Variants in DLG4 observed in about 807,000 individuals in gnomAD.
DLG4 encodes discs large MAGUK scaffold protein 4.
A neutral mutation model predicts 93.8 loss-of-function variants in DLG4; 7 were observed. The ratio of observed to expected loss-of-function variants is 0.07; its 90% CI spans 0.04 to 0.14. The LOEUF is 0.14. Ranked by LOEUF, DLG4 falls within the 10% of genes least tolerant of loss-of-function variation. The pLI, the probability that DLG4 is intolerant of heterozygous loss-of-function variation, is 1.00. For missense variants in DLG4, 545 were observed against 992.9 expected (o/e 0.55, Z 6.06); for synonymous variants, 341 against 387.6 (o/e 0.88, Z 1.41).
intron 1 of DLG4, among the ~76,000 whole-genome samples, chr17:7,210,023 AGAGT>A (rs1185211832): frequency 6.6e-6 from 1 of 152,202 alleles, no homozygotes; most frequent in African/African-American, 2.4e-5. Flanking sequence ...GCCTGGCGAC[AGAGT>A]GAGACTCCAT....
At chr17:7,210,805 A>G (rs955288513) in intron 1 of DLG4, among the ~76,000 whole-genome samples, 2 of 152,118 alleles carry the variant, frequency 1.3e-5, no homozygotes. Flanking sequence ...CCTGAATCTG[A>G]GGAGGAAATG....
At position 7,193,027 on chromosome 17, in the gene DLG4, G is replaced by A. The variant is rs368908045; in HGVS notation, c.1784C>T (p.Ala595Val). Residue 595 changes from alanine to valine, a missense_variant, in exon 17 of 20, where the codon GCG becomes GTG. Physicochemically the swap from Ala to Val is moderately conservative, Grantham distance 64. Transcript: ENST00000399506. This position sits in a 1 kb window ranked among gnomAD's most constrained non-coding sequence, Gnocchi z 6.7. The stretch of plus-strand genomic sequence containing the variant: ...CTGGCCGGCCTCAATGAACTTGTGC[G>A]CCTGAATGTCCTTCTCCATTTTCTC... Reference protein sequence around the residue: ...SREKMEKDIQAHKFIEAGQYN... With the variant: ...SREKMEKDIQVHKFIEAGQYN... 287 of 1,613,636 alleles carry A rather than the reference G, an allele frequency of 1.8e-4. No homozygotes were observed. The highest frequency in any genetic ancestry group is 2.3e-4 in the Non-Finnish European group (270 of 1,179,780).
chr17:7,213,197 G>C (rs935752439), intron 1 of DLG4, among the ~76,000 whole-genome samples: 1 of 146,254 alleles, frequency 6.8e-6, no homozygotes, highest in African/African-American at 2.5e-5. Context: ...TCCCGGGTTC[G>C]AGTGATTCTC....
chr17:7,216,975 C>A (rs1026677998), intron 1 of DLG4, 143 bp downstream of exon 1: 5 of 776,750 alleles, frequency 6.4e-6, no homozygotes, highest in Middle Eastern at 2.6e-4. Flanking sequence ...CAGATGTGAA[C>A]CCCAAAACTA....
In DLG4 at chr17:7,187,517, G is replaced by C. The variant is rs1311581374; in HGVS notation, c.*3191C>G. Among the ~76,000 whole-genome samples, 1 of 151,458 alleles carries C rather than the reference G, an allele frequency of 6.6e-6. No homozygotes were observed. Among genetic ancestry groups the C allele is most frequent in the East Asian group, 1.9e-4 (1 of 5,170 alleles). ...GCAGAGATCGCACCACTGCACTCCAGCCTGGGCAACAAGAGCGAAACTCTG... is the reference window on the plus strand; with the variant it reads ...GCAGAGATCGCACCACTGCACTCCACCCTGGGCAACAAGAGCGAAACTCTG... On this transcript the variant is annotated 3_prime_UTR_variant, in exon 20 of 20. Transcript: ENST00000399506.
At position 7,197,023 on chromosome 17, in the gene DLG4, T is replaced by G. The variant is rs1460647838; in HGVS notation, c.817A>C (p.Ser273Arg). ...TCGGTGCCCAGGTAGCTGCTGTGAC[T>G]GATCTCATTGTCCAGGTGCTGGGAA... Reference protein sequence around the residue: ...SYSQHLDNEISHSSYLGTDYP... With the variant: ...SYSQHLDNEIRHSSYLGTDYP... The change falls in exon 9 of 20, where the codon AGT (serine) becomes CGT (arginine). Residue 273 changes from serine to arginine, a missense_variant. By Grantham distance (110) the Ser-to-Arg change is moderately radical (BLOSUM62 -1). This residue lies in a region of DLG4 where 428 missense variants were observed against 741.4 expected (regional missense o/e 0.58). Coordinates refer to ENST00000399506, the MANE Select transcript of DLG4 (RefSeq NM_001321075.3). The G allele has an allele frequency of 6.2e-7, 1 of 1,612,754 alleles. No individual in the cohort carries two copies. Among genetic ancestry groups the G allele is most frequent in the Admixed American group, 1.7e-5 (1 of 59,916 alleles).
At chr17:7,218,691 T>G (rs976041585), upstream of DLG4, 13 of 1,540,154 alleles carry the variant, frequency 8.4e-6, no homozygotes, top group Admixed American at 1.7e-4. Context: ...CACAGGAAGA[T>G]GAACACACTG....
At position 7,196,083 on chromosome 17, in the gene DLG4, C is replaced by T. The variant is rs536232524; in HGVS notation, c.1301+137G>A. On this transcript the variant is annotated intron_variant, in intron 11 of 19. Transcript: ENST00000399506. The surrounding 1 kb of genome is among the most constrained non-coding windows in gnomAD (Gnocchi z 8.3). ...TAACCTGTGCAGCCAAGCCCATGAACCCTGGCTGCGCCTCAGGCCTGGGGT... is the reference window on the plus strand; with the variant it reads ...TAACCTGTGCAGCCAAGCCCATGAATCCTGGCTGCGCCTCAGGCCTGGGGT... 6.6e-5 allele frequency: 42 copies of T among 636,542 alleles called. No individual in the cohort carries two copies. Among genetic ancestry groups the T allele is most frequent in the African/African-American group, 6.0e-4 (33 of 54,628 alleles). The allele number at this position is 636,542 out of a possible 1,614,324, so 39.4% of individuals were successfully genotyped here.
chr17:7,207,958 CCCAGTCCCAGCAT>C, intron 2 of DLG4: 1 of 948,594 alleles, frequency 1.1e-6, no homozygotes, highest in Non-Finnish European at 1.4e-6. Flanking sequence ...AACCCCCGCC[CCCAGTCCCAGCAT>C]CCCCCTCCCC....
rs960672633 is a variant in DLG4 at position 7,188,860 on chromosome 17, T to C, written c.*1848A>G. 2.0e-5 allele frequency among the ~76,000 whole-genome samples: 3 copies of C among 152,028 alleles called. No individual in the cohort carries two copies. The highest frequency in any genetic ancestry group is 4.4e-5 in the Non-Finnish European group (3 of 67,996). ...GGCGTAGTGGCTCATGCCTGTAATCTTAACACTGTGGGAGGCCAAGCTGGG... is the reference window on the plus strand; with the variant it reads ...GGCGTAGTGGCTCATGCCTGTAATCCTAACACTGTGGGAGGCCAAGCTGGG... On this transcript the variant is annotated 3_prime_UTR_variant, in exon 20 of 20. Transcript: ENST00000399506.
At position 7,187,669 on chromosome 17, in the gene DLG4, C is replaced by G. The variant is rs1205900520; in HGVS notation, c.*3039G>C. On this transcript the variant is annotated 3_prime_UTR_variant, in exon 20 of 20. Transcript: ENST00000399506. Reference sequence around the variant, plus strand: ...CACGCAGACGCATTACCTGCACACACCTTCCTCAGCTCCTAGATTTCTCCC... The same window carrying G: ...CACGCAGACGCATTACCTGCACACAGCTTCCTCAGCTCCTAGATTTCTCCC... Among the ~76,000 whole-genome samples, 2 of 152,124 alleles carry G rather than the reference C, an allele frequency of 1.3e-5. No homozygotes were observed. The highest frequency in any genetic ancestry group is 2.4e-5 in the African/African-American group (1 of 41,408).
chr17:7,214,832 A>G (rs1343877952), intron 1 of DLG4, among the ~76,000 whole-genome samples: 1 of 152,214 alleles, frequency 6.6e-6, no homozygotes, highest in African/African-American at 2.4e-5. Context: ...AAGAAAGACA[A>G]AGTGATCGCT....
chr17:7,209,024 G>A (rs1309184132), intron 1 of DLG4, among the ~76,000 whole-genome samples: 2 of 152,162 alleles, frequency 1.3e-5, no homozygotes, highest in Non-Finnish European at 2.9e-5. Context: ...GGCATGGGCT[G>A]GGGGAGGAAG....
In DLG4 at chr17:7,203,942, C is replaced by T. The variant is rs374880014; in HGVS notation, c.210+66G>A. Reference sequence around the variant, plus strand: ...CAGGGTGAGGGGCTAGCCACCCAGACCACATGGCAGAAAGAAAGGTACAGA... The same window carrying T: ...CAGGGTGAGGGGCTAGCCACCCAGATCACATGGCAGAAAGAAAGGTACAGA... On this transcript the variant is annotated intron_variant, in intron 4 of 19. Transcript: ENST00000399506. The surrounding 1 kb of genome is among the most constrained non-coding windows in gnomAD (Gnocchi z 7.2). 9.7e-4 allele frequency: 1,540 copies of T among 1,591,970 alleles called. 1 individual carries two copies. The highest frequency in any genetic ancestry group is 1.1e-3 in the Non-Finnish European group (1,263 of 1,168,942).
intron 2 of DLG4, among the ~76,000 whole-genome samples, chr17:7,206,167 GC>G (rs1395155124): frequency 6.6e-6 from 1 of 151,888 alleles, no homozygotes. Context: ...ATAGCTCACT[GC>G]GGCCTTGAAC....
intron 1 of DLG4, among the ~76,000 whole-genome samples, chr17:7,213,004 G>A (rs993156951): frequency 6.6e-6 from 1 of 152,016 alleles, no homozygotes; most frequent in Non-Finnish European, 1.5e-5. Flanking sequence ...CTGCACTCTA[G>A]CCTAGGCGAC....
In DLG4 at chr17:7,190,291, C is replaced by A. The variant is rs2069419261; in HGVS notation, c.*417G>T. On this transcript the variant is annotated 3_prime_UTR_variant, in exon 20 of 20. Coordinates refer to ENST00000399506, the MANE Select transcript of DLG4 (RefSeq NM_001321075.3). ...AGGGCAGGGGTGACCCCAGACCCTGCCTTAGGAGAGAGCGGAGGCCTGTGG... is the reference window on the plus strand; with the variant it reads ...AGGGCAGGGGTGACCCCAGACCCTGACTTAGGAGAGAGCGGAGGCCTGTGG... 2 of 230,998 alleles carry A rather than the reference C, an allele frequency of 8.7e-6. No individual in the cohort carries two copies. Among genetic ancestry groups the A allele is most frequent in the Non-Finnish European group, 8.7e-6 (1 of 114,700 alleles). 14.3% of individuals were successfully genotyped at this position (230,998 alleles called of 1,614,324 possible).
At chr17:7,212,632 T>A (rs1266105550) in intron 1 of DLG4, among the ~76,000 whole-genome samples, 1 of 152,102 alleles carries the variant, frequency 6.6e-6, no homozygotes, top group Admixed American at 6.5e-5. Context: ...AATAGCAATC[T>A]CGTCAATTTT....
At position 7,216,100 on chromosome 17, in the gene DLG4, C is replaced by G. The variant is rs562845480; in HGVS notation, c.30+1018G>C. Among the ~76,000 whole-genome samples the G allele has an allele frequency of 5.3e-5, 8 of 151,804 alleles. No homozygotes were observed. The South Asian group carries it at 1.7e-3, about 32-fold the overall frequency. ...AGATCCCCATCGCTGCCAGCCCTGC[C>G]CTCCTCCTACACCTTTTCACCCCAG... On this transcript the variant is annotated intron_variant, in intron 1 of 19. Coordinates refer to ENST00000399506, the MANE Select transcript of DLG4 (RefSeq NM_001321075.3).
Sources: allele counts gnomAD v4.1 joint callset (sites outside exome capture counted in the v4.1 genomes callset), GRCh38; gene constraint gnomAD v4.1.1; regional missense constraint gnomAD v4.1.1; non-coding constraint Gnocchi (gnomAD v3.1); transcripts MANE v1.5; gene names NCBI Gene and HGNC (gene_info 2026-07-23, HGNC 2026-07-21).